Variants in GRAMD4 observed in about 807,000 individuals in gnomAD.
GRAMD4 encodes the protein GRAM domain containing 4.
A neutral mutation model predicts 83.9 loss-of-function variants in GRAMD4; 25 were observed. The ratio of observed to expected loss-of-function variants is 0.30; its 90% CI spans 0.22 to 0.42. The LOEUF is 0.42. GRAMD4 is among the 10% of genes least tolerant of loss of function. The pLI, the probability that GRAMD4 is intolerant of heterozygous loss-of-function variation, is 1.00. For missense variants in GRAMD4, 593 were observed against 788.7 expected, an observed-to-expected ratio of 0.75 and a Z score of 2.97; for synonymous variants, 336 against 320.9, an observed-to-expected ratio of 1.05 and a Z score of -0.50.
intron 4 of GRAMD4, among the ~76,000 whole-genome samples, chr22:46,660,180 C>T (rs1190938806): frequency 2.0e-5 from 3 of 152,264 alleles, no homozygotes; most frequent in East Asian, 3.9e-4. Context: ...ACGCAGGGAG[C>T]CCCATCTCGC....
intron 2 of GRAMD4, among the ~76,000 whole-genome samples, chr22:46,633,392 T>C (rs1032739218): frequency 2.0e-5 from 3 of 152,234 alleles, no homozygotes; most frequent in African/African-American, 7.2e-5. Flanking sequence ...CCCCACCTAA[T>C]GAAGGTGGGG....
chr22:46,616,696 C>CCGTGCGTGTAGGTTCCCCCG (rs1569263024), upstream of GRAMD4, among the ~76,000 whole-genome samples: 1 of 82,192 alleles, frequency 1.2e-5, no homozygotes. Context: ...GTAGGTTCCC[C>CCGTGCGTGTAGGTTCCCCCG]TGTGCGTGTA....
At chr22:46,591,343 C>T (rs2081205827) in intron 1 of GRAMD4, among the ~76,000 whole-genome samples, 2 of 152,250 alleles carry the variant, frequency 1.3e-5, no homozygotes, top group South Asian at 4.2e-4. Flanking sequence ...CATAGTGAGA[C>T]TCCATCTCTA....
chr22:46,603,716 ATG>A (rs2081338234), intron 1 of GRAMD4, among the ~76,000 whole-genome samples: 2 of 123,310 alleles, frequency 1.6e-5, no homozygotes, highest in Non-Finnish European at 3.5e-5. Context: ...CGGGGTTTCA[ATG>A]TGTTAGCCAG....
chr22:46,643,461 G>C (rs1475304431), intron 3 of GRAMD4, among the ~76,000 whole-genome samples: 1 of 152,148 alleles, frequency 6.6e-6, no homozygotes, highest in Non-Finnish European at 1.5e-5. Flanking sequence ...TAAAGGCAAG[G>C]ATATTCTCTT....
At chr22:46,635,568 C>A (rs111676058) in intron 2 of GRAMD4, among the ~76,000 whole-genome samples, 41 of 83,990 alleles carry the variant, frequency 4.9e-4, no homozygotes, top group African/African-American at 6.8e-4. Flanking sequence ...CCTGCCCCCG[C>A]CCCCGGCCAC....
upstream of GRAMD4, among the ~76,000 whole-genome samples, chr22:46,618,794 G>C (rs999471820): frequency 7.4e-6 from 1 of 135,950 alleles, no homozygotes; most frequent in African/African-American, 3.2e-5. The surrounding 1 kb of genome is among the most constrained non-coding windows in gnomAD (Gnocchi z 5.8). Flanking sequence ...GCGTGCGGCC[G>C]GCGTGCGCTG....
intron 3 of GRAMD4, among the ~76,000 whole-genome samples, chr22:46,643,138 TCC>T (rs2082005297): frequency 1.9e-5 from 1 of 53,542 alleles, no homozygotes; most frequent in Non-Finnish European, 4.0e-5. Flanking sequence ...CATCCATGCA[TCC>T]TTCCATCCAT....
intron 1 of GRAMD4, among the ~76,000 whole-genome samples, chr22:46,585,455 G>A (rs1484941740): frequency 6.6e-6 from 1 of 152,208 alleles, no homozygotes; most frequent in South Asian, 2.1e-4. Context: ...CTCCCAAAGT[G>A]CTGGGATTAT....
chr22:46,593,981 T>G (rs2081235089), intron 1 of GRAMD4, among the ~76,000 whole-genome samples: 1 of 151,924 alleles, frequency 6.6e-6, no homozygotes, highest in African/African-American at 2.4e-5. Flanking sequence ...CGCCTCGGCC[T>G]CCCAAAGTGC....
chr22:46,676,375 G>A (rs1027860978), intron 17 of GRAMD4, among the ~76,000 whole-genome samples: 4 of 152,204 alleles, frequency 2.6e-5, no homozygotes, highest in Non-Finnish European at 5.9e-5. Context: ...CCAGCTGGCC[G>A]ACGGTCTGGG....
chr22:46,632,039 T>C (rs1435886888), intron 2 of GRAMD4, among the ~76,000 whole-genome samples: 1 of 152,252 alleles, frequency 6.6e-6, no homozygotes, highest in Non-Finnish European at 1.5e-5. Flanking sequence ...CTGGCCGCTG[T>C]CACCAAGCAC....
upstream of GRAMD4, among the ~76,000 whole-genome samples, chr22:46,575,750 C>T (rs1296882201): frequency 1.3e-5 from 2 of 152,220 alleles, no homozygotes; most frequent in Non-Finnish European, 2.9e-5. Context: ...CGCCATCGCA[C>T]CCCATGCTGC....
At chr22:46,607,779 C>A (rs567455129) in intron 1 of GRAMD4, among the ~76,000 whole-genome samples, 75 of 152,330 alleles carry the variant, frequency 4.9e-4, no homozygotes, top group African/African-American at 1.7e-3. Flanking sequence ...CCTCTCTGCT[C>A]CCACCAGCTC....
chr22:46,627,602 C>T (rs1160608470), intron 2 of GRAMD4, among the ~76,000 whole-genome samples: 2 of 152,186 alleles, frequency 1.3e-5, no homozygotes, highest in African/African-American at 2.4e-5. Flanking sequence ...GGGCTCCCTG[C>T]GGCCCCTCCT....
chr22:46,657,347 G>T (rs919225108), intron 3 of GRAMD4, among the ~76,000 whole-genome samples: 5 of 152,244 alleles, frequency 3.3e-5, no homozygotes, highest in Non-Finnish European at 2.9e-5. Flanking sequence ...AGGGCCTCAG[G>T]CTTGCCCTTA....
intron 1 of GRAMD4, among the ~76,000 whole-genome samples, chr22:46,584,851 G>A (rs927834794): frequency 5.9e-5 from 9 of 152,230 alleles, no homozygotes; most frequent in African/African-American, 1.9e-4. Context: ...GGCTGACTTA[G>A]AACGCATCCC....
At position 46,668,897 on chromosome 22, in the gene GRAMD4, G is replaced by A. The variant is rs1348598503; in HGVS notation, c.1073G>A (p.Gly358Glu). 6.2e-7 allele frequency: 1 copy of A among 1,602,978 alleles called. No homozygotes were observed. Among genetic ancestry groups the A allele is most frequent in the African/African-American group, 1.3e-5 (1 of 74,868 alleles). ...TGCTTCTTCCCCTACCGCCTGGTGG[G>A]GCTTGCCGTGGGTAAGTAGATGCAC... is the stretch of plus-strand genomic sequence containing the variant. Reference protein sequence around the residue: ...ASCFFPYRLVGLAVGLYAGIK... With the variant: ...ASCFFPYRLVELAVGLYAGIK... The change falls in exon 13 of 19, where the codon GGG (glycine) becomes GAG (glutamate). Residue 358 changes from glycine (G) to glutamate (E), a missense_variant. Physicochemically the swap from Gly to Glu is moderately conservative, Grantham distance 98 (BLOSUM62 -2). Transcript: ENST00000406902.
rs1053194668 is a variant in GRAMD4 at position 46,678,391 on chromosome 22, G to A, written c.*1140G>A. ...CCTAGCCGGTGCCGGTCCGGGCACA[G>A]ACCCCCCCAGCCCCCGCCCTGCCCC... On this transcript the variant is annotated 3_prime_UTR_variant, in exon 19 of 19. Transcript: ENST00000406902. The A allele has an allele frequency of 2.5e-4, 244 of 983,936 alleles. No homozygotes were observed. Among genetic ancestry groups the A allele is most frequent in the Non-Finnish European group, 2.8e-4 (230 of 828,724 alleles). The allele number at this position is 983,936 out of a possible 1,614,324, so 61.0% of individuals were successfully genotyped here. A position where few individuals can be genotyped will look rare whatever the true frequency, so the allele number is the denominator to read the frequency against.
Sources: allele counts gnomAD v4.1 joint callset (sites outside exome capture counted in the v4.1 genomes callset), GRCh38; gene constraint gnomAD v4.1.1; non-coding constraint Gnocchi (gnomAD v3.1); transcripts MANE v1.5; gene names NCBI Gene and HGNC (gene_info 2026-07-23, HGNC 2026-07-21).